The following DNMT3A variants were observed in gnomAD, a reference collection of about 807,000 sequenced individuals.
DNMT3A encodes the protein DNA (cytosine-5)-methyltransferase 3A.
A neutral mutation model predicts 117.6 loss-of-function variants in DNMT3A; 267 were observed. The observed-to-expected ratio is 2.27, with a 90% CI of 2.05 to 2.51. DNMT3A has a LOEUF of 2.51. Among genes scored for constraint, DNMT3A ranks in the 30% most tolerant of loss-of-function variants. The pLI is 0.00. For missense variants in DNMT3A, 1,029 were observed against 1,260.2 expected, an observed-to-expected ratio of 0.82 and a Z score of 2.78; for synonymous variants, 432 against 474.8, an observed-to-expected ratio of 0.91 and a Z score of 1.17.
chr2:25,302,363 TGTGCAGA>T (rs2033566222), intron 2 of DNMT3A, among the ~76,000 whole-genome samples: 1 of 152,120 alleles, frequency 6.6e-6, no homozygotes. Context: ...GTCACTAAGC[TGTGCAGA>T]GTGACACGGC....
intron 3 of DNMT3A, among the ~76,000 whole-genome samples, chr2:25,287,645 G>A (rs2032405857): frequency 1.3e-5 from 2 of 151,954 alleles, no homozygotes; most frequent in African/African-American, 2.4e-5. Context: ...AGACATTTTT[G>A]GCTGCCACAA....
chr2:25,291,545 T>C (rs1319803975), intron 3 of DNMT3A, among the ~76,000 whole-genome samples: 2 of 152,174 alleles, frequency 1.3e-5, no homozygotes, highest in African/African-American at 2.4e-5. Flanking sequence ...CTTTTCCCTG[T>C]GGGGTGGCTA....
intron 1 of DNMT3A, chr2:25,314,758 C>A (rs560611835): frequency 1.0e-6 from 1 of 964,756 alleles, no homozygotes; most frequent in Admixed American, 6.2e-5. Flanking sequence ...ACGGCCAAGG[C>A]CACAGGCCAC....
rs2149379477 is a variant in DNMT3A, at chr2:25,282,653, G to A, written c.236C>T (p.Ala79Val). 3 of 1,600,958 alleles carry A rather than the reference G, an allele frequency of 1.9e-6. No individual in the cohort carries two copies. The highest frequency in any genetic ancestry group is 1.7e-4 in the Middle Eastern group (1 of 5,994). The change falls in exon 4 of 23, where the codon GCC becomes GTC. Residue 79 changes from alanine (A) to valine (V), a missense_variant. Coordinates refer to ENST00000321117, the MANE Select transcript of DNMT3A (RefSeq NM_022552.5). This position sits in a 1 kb window ranked among gnomAD's most constrained non-coding sequence, Gnocchi z 5.2. ...PAVISKSPSM[A>V]QDSGASELLP... ...TAGCTCTGAGGCGCCTGAGTCCTGG[G>A]CCATGGATGGGGACTTGGAGATCAC...
chr2:25,241,035 G>A (rs995692081), intron 17 of DNMT3A, among the ~76,000 whole-genome samples: 1 of 152,194 alleles, frequency 6.6e-6, no homozygotes, highest in African/African-American at 2.4e-5. Flanking sequence ...CATGCTGAGT[G>A]TCTTAGGCAG....
At chr2:25,322,150 T>C (rs1469685698) in intron 1 of DNMT3A, among the ~76,000 whole-genome samples, 2 of 152,204 alleles carry the variant, frequency 1.3e-5, no homozygotes, top group Admixed American at 6.5e-5. Flanking sequence ...AAGGAATCAC[T>C]GCATTTTGTT....
chr2:25,291,534 C>T (rs762980361), intron 3 of DNMT3A, among the ~76,000 whole-genome samples: 2 of 152,260 alleles, frequency 1.3e-5, no homozygotes, highest in Non-Finnish European at 2.9e-5. Flanking sequence ...CTCCAATTTC[C>T]CTTTTCCCTG....
In DNMT3A at chr2:25,282,337, C is replaced by G. The variant is rs111975910; in HGVS notation, c.448+104G>C. On this transcript the variant is annotated intron_variant, in intron 4 of 22. Transcript: ENST00000321117. This position sits in a 1 kb window ranked among gnomAD's most constrained non-coding sequence, Gnocchi z 5.2. ...GCCTTGGCAAGCAGACCTTTAGCCA[C>G]GACCCAGACCATCCTTCCTGGGACC... The G allele has an allele frequency of 2.0e-4, 301 of 1,516,742 alleles. No individual in the cohort carries two copies. The highest frequency in any genetic ancestry group is 2.5e-4 in the Non-Finnish European group (281 of 1,126,082). The allele number at this position is 1,516,742 out of a possible 1,614,324, so 94.0% of individuals were successfully genotyped here. A position where few individuals can be genotyped will look rare whatever the true frequency, so the allele number is the denominator to read the frequency against.
In DNMT3A at chr2:25,317,683, T is replaced by C. The variant is rs142637982; in HGVS notation, c.-177-3522A>G. Among the ~76,000 whole-genome samples, 761 of 152,316 alleles carry C rather than the reference T, an allele frequency of 5.0e-3. 7 individuals are homozygous for C. Among genetic ancestry groups the C allele is most frequent in the African/African-American group, 0.017 (726 of 41,560 alleles). On this transcript the variant is annotated intron_variant, in intron 1 of 22. Coordinates refer to ENST00000321117, the MANE Select transcript of DNMT3A (RefSeq NM_022552.5). ...ATAGGGGGTCTTTGCACAGAGTCAC[T>C]TGGCACAGCTGAAGACAAAGATGAT...
Position 25,258,075 on chromosome 2 carries a change from C to G in DNMT3A, c.640-9823G>C, listed in dbSNP as rs114699746. ...CAACCTGTTGCTGTCTGATGCTGGA[C>G]TGTGATTTCAAACCAAAGCCTCTGA... is the stretch of plus-strand genomic sequence containing the variant. On this transcript the variant is annotated intron_variant, in intron 6 of 22. Transcript: ENST00000321117. 6.9e-3 allele frequency among the ~76,000 whole-genome samples: 1,053 copies of G among 152,332 alleles called. 17 individuals are homozygous for G. Among genetic ancestry groups the G allele is most frequent in the African/African-American group, 0.024 (1,013 of 41,578 alleles).
At position 25,341,714 on chromosome 2, in the gene DNMT3A, G is replaced by A. The variant is rs1573524383; in HGVS notation, c.-178+112C>T. On this transcript the variant is annotated intron_variant, in intron 1 of 22. Coordinates refer to ENST00000321117, the MANE Select transcript of DNMT3A (RefSeq NM_022552.5). The stretch of plus-strand genomic sequence containing the variant: ...GCCCGGCGCCGAGTTGCAGGGGTCC[G>A]GGAGCGTGCCCCGAGCCGGGCACTG... 6.3e-6 allele frequency: 5 copies of A among 792,518 alleles called. No homozygotes were observed. The South Asian group carries it at 2.3e-4, about 36-fold the overall frequency. The allele number at this position is 792,518 out of a possible 1,614,324, so 49.1% of individuals were successfully genotyped here. A position where few individuals can be genotyped will look rare whatever the true frequency, so the allele number is the denominator to read the frequency against.
rs760196332 is a variant in DNMT3A at position 25,244,664 on chromosome 2, C to T, written c.1555-12G>A. ...TCCAGAAAGCAGTTCTAGACAGCAG[C>T]GGGAAGGGTCAGAAACCACCAGGAC... On this transcript the variant is annotated splice_polypyrimidine_tract_variant and intron_variant, in intron 13 of 22. Transcript: ENST00000321117. The T allele has an allele frequency of 1.7e-5, 27 of 1,612,510 alleles. No homozygotes were observed. Among genetic ancestry groups the T allele is most frequent in the African/African-American group, 4.0e-5 (3 of 74,878 alleles).
At chr2:25,321,483 T>C (rs893454199) in intron 1 of DNMT3A, among the ~76,000 whole-genome samples, 1 of 152,206 alleles carries the variant, frequency 6.6e-6, no homozygotes, top group Admixed American at 6.5e-5. Context: ...CCCTCATCTC[T>C]AGGTCATTAA....
At position 25,245,343 on chromosome 2, in the gene DNMT3A, G is replaced by A; in HGVS notation, c.1475-11C>T. 1.9e-6 allele frequency: 3 copies of A among 1,613,200 alleles called. No individual in the cohort carries two copies. The highest frequency in any genetic ancestry group is 2.5e-6 in the Non-Finnish European group (3 of 1,179,530). ...AGGAGATGCAGATGTCTGGAAAGCA[G>A]AGGGAGGGGATGGGGTGAGTACCAC... On this transcript the variant is annotated splice_polypyrimidine_tract_variant and intron_variant, in intron 12 of 22. Coordinates refer to ENST00000321117, the MANE Select transcript of DNMT3A (RefSeq NM_022552.5).
chr2:25,269,565 G>T (rs190081533), intron 6 of DNMT3A, among the ~76,000 whole-genome samples: 2 of 152,170 alleles, frequency 1.3e-5, no homozygotes, highest in Non-Finnish European at 2.9e-5. Flanking sequence ...AGTGGGGTGG[G>T]CTGATTGTGG....
rs972461673 is a variant in DNMT3A, at chr2:25,330,917, T to C, written c.-178+10909A>G. 3.9e-5 allele frequency among the ~76,000 whole-genome samples: 6 copies of C among 152,078 alleles called. No individual in the cohort carries two copies. In the East Asian group the frequency reaches 7.7e-4, roughly 20 times the overall value. The stretch of plus-strand genomic sequence containing the variant: ...GAATAATTGGGAACAAGAGAGTCAA[T>C]AGAACATGACGAATGGACCTTCCCA... On this transcript the variant is annotated intron_variant, in intron 1 of 22. Transcript: ENST00000321117.
chr2:25,260,649 A>T (rs1037084271), intron 6 of DNMT3A, among the ~76,000 whole-genome samples: 2 of 152,158 alleles, frequency 1.3e-5, no homozygotes, highest in African/African-American at 4.8e-5. Context: ...GCATCTGTAG[A>T]GTTGCTACTG....
In DNMT3A at chr2:25,237,037, A is replaced by C. The variant is rs1673450088; in HGVS notation, c.2409-32T>G. On this transcript the variant is annotated intron_variant, in intron 20 of 22. Transcript: ENST00000321117. This position sits in a 1 kb window ranked among gnomAD's most constrained non-coding sequence, Gnocchi z 5.4. ...GGCAGAAGAGAGACTGTAACAACAG[A>C]AACCTGGATAACAGCGGGAAGGGCC... 2 of 1,610,780 alleles carry C rather than the reference A, an allele frequency of 1.2e-6. No individual in the cohort carries two copies. The highest frequency in any genetic ancestry group is 2.7e-5 in the African/African-American group (2 of 74,860).
rs1675924591 is a variant in DNMT3A, at chr2:25,254,289, T to C, written c.640-6037A>G. Among the ~76,000 whole-genome samples the C allele has an allele frequency of 6.6e-6, 1 of 151,934 alleles. No homozygotes were observed. Among genetic ancestry groups the C allele is most frequent in the South Asian group, 2.1e-4 (1 of 4,816 alleles). On this transcript the variant is annotated intron_variant, in intron 6 of 22. Transcript: ENST00000321117. The surrounding 1 kb of genome is among the most constrained non-coding windows in gnomAD (Gnocchi z 4.7). ...ACAGTCACCTGGGACATACAGGTGC[T>C]GGTATAATGAAGTCACGAGATGTGC...
Sources: allele counts gnomAD v4.1 joint callset (sites outside exome capture counted in the v4.1 genomes callset), GRCh38; gene constraint gnomAD v4.1.1; non-coding constraint Gnocchi (gnomAD v3.1); transcripts MANE v1.5; gene names NCBI Gene and HGNC (gene_info 2026-07-23, HGNC 2026-07-21).